PDE10A: variants seen among roughly 807,000 people sequenced by gnomAD.
PDE10A encodes cAMP and cAMP-inhibited cGMP 3',5'-cyclic phosphodiesterase 10A.
A neutral mutation model predicts 97.7 loss-of-function variants in PDE10A; 39 were observed. The observed-to-expected ratio is 0.40, with a 90% CI of 0.31 to 0.52. The LOEUF (loss-of-function observed/expected upper bound fraction) is 0.52. PDE10A is among the 20% of genes least tolerant of loss of function. The pLI is 0.56. For missense variants in PDE10A, 731 were observed against 1,047.8 expected, an observed-to-expected ratio of 0.70 and a Z score of 4.17; for synonymous variants, 371 against 376.8, an observed-to-expected ratio of 0.98 and a Z score of 0.18.
chr6:165,747,480 G>T (rs1360896226), intron 1 of PDE10A, among the ~76,000 whole-genome samples: 1 of 152,130 alleles, frequency 6.6e-6, no homozygotes, highest in Non-Finnish European at 1.5e-5. Flanking sequence ...TTTTATAGAT[G>T]AAGAAAATGA....
intron 5 of PDE10A, 116 bp from the exon 6 acceptor site, chr6:165,435,493 TA>T: frequency 2.4e-6 from 2 of 841,954 alleles, no homozygotes; most frequent in Non-Finnish European, 3.4e-6. Context: ...AGAAGAGTCA[TA>T]AAATGAGGAA....
chr6:165,386,222 G>A (rs1281392452), intron 17 of PDE10A, among the ~76,000 whole-genome samples: 1 of 152,168 alleles, frequency 6.6e-6, no homozygotes, highest in Non-Finnish European at 1.5e-5. Flanking sequence ...ACTGGGCCAA[G>A]TCTTCCTAGG....
At chr6:165,967,375 T>C (rs1413660436) in intron 1 of PDE10A, among the ~76,000 whole-genome samples, 3 of 152,152 alleles carry the variant, frequency 2.0e-5, no homozygotes, top group African/African-American at 7.2e-5. Context: ...TGCATGCCTG[T>C]AATCCCAGCT....
intron 18 of PDE10A, among the ~76,000 whole-genome samples, chr6:165,357,536 T>C (rs1446845335): frequency 6.6e-6 from 1 of 152,122 alleles, no homozygotes; most frequent in Non-Finnish European, 1.5e-5. Context: ...GTTTGTTTGT[T>C]TGTTTTAAGA....
At position 165,404,302 on chromosome 6, in the gene PDE10A, G is replaced by A. The variant is rs141182316; in HGVS notation, c.2077-7843C>T. Reference sequence around the variant, plus strand: ...TCGCAGGGTGTGGCTTGAGGCTCCCGGATGTGAAGGGAAGGTCCATGCAGG... The same window carrying A: ...TCGCAGGGTGTGGCTTGAGGCTCCCAGATGTGAAGGGAAGGTCCATGCAGG... On this transcript the variant is annotated intron_variant, in intron 13 of 21. Coordinates refer to ENST00000539869, the MANE Select transcript of PDE10A (RefSeq NM_001385079.1). 2.1e-3 allele frequency among the ~76,000 whole-genome samples: 313 copies of A among 152,208 alleles called. 2 individuals are homozygous for A. Among genetic ancestry groups the A allele is most frequent in the African/African-American group, 7.0e-3 (292 of 41,544 alleles).
chr6:165,390,514 T>C (rs1785629036), intron 16 of PDE10A, among the ~76,000 whole-genome samples: 1 of 152,082 alleles, frequency 6.6e-6, no homozygotes, highest in Admixed American at 6.5e-5. Context: ...CATGCGTACA[T>C]GCAGATGGCA....
chr6:165,435,065 G>A (rs187997774), intron 6 of PDE10A, among the ~76,000 whole-genome samples, 172 bp downstream of exon 6: 140 of 152,130 alleles, frequency 9.2e-4, no homozygotes, highest in Middle Eastern at 3.4e-3. Context: ...GTGGGTAAAG[G>A]GAATTTTCTG....
At chr6:165,630,915 T>G (rs1788599350) in intron 1 of PDE10A, among the ~76,000 whole-genome samples, 2 of 152,150 alleles carry the variant, frequency 1.3e-5, no homozygotes, top group Admixed American at 1.3e-4. Flanking sequence ...ATCGGCTGGA[T>G]GGAATGCTCG....
At chr6:165,607,055 C>T (rs1431515212) in intron 1 of PDE10A, among the ~76,000 whole-genome samples, 2 of 152,138 alleles carry the variant, frequency 1.3e-5, no homozygotes, top group Non-Finnish European at 2.9e-5. Context: ...TTTCTTGCTT[C>T]CCAACTTAGA....
chr6:165,507,130 T>C (rs1781242855), intron 2 of PDE10A, among the ~76,000 whole-genome samples: 1 of 152,146 alleles, frequency 6.6e-6, no homozygotes, highest in African/African-American at 2.4e-5. Context: ...TTGTGTTTCA[T>C]GCTGGAGTTG....
Position 165,331,795 on chromosome 6 carries a change from T to C in PDE10A, c.*1230A>G, listed in dbSNP as rs1317980022. 2.0e-5 allele frequency: 3 copies of C among 152,208 alleles called. No individual in the cohort carries two copies. Among genetic ancestry groups the C allele is most frequent in the Non-Finnish European group, 1.5e-5 (1 of 68,042 alleles). The allele number at this position is 152,208 out of a possible 1,614,324, so 9.4% of individuals were successfully genotyped here. A position where few individuals can be genotyped will look rare whatever the true frequency, so the allele number is the denominator to read the frequency against. On this transcript the variant is annotated 3_prime_UTR_variant, in exon 22 of 22. Coordinates refer to ENST00000539869, the MANE Select transcript of PDE10A (RefSeq NM_001385079.1). ...AATACTGGTCAACCAAAAAGGTGTA[T>C]AGAAGAAACCATCGAAACCCACAGG... is the stretch of plus-strand genomic sequence containing the variant.
rs1207121976 is a variant in PDE10A, at chr6:165,662,741, C to A, written c.71G>T (p.Gly24Val). 6.8e-6 allele frequency among the ~76,000 whole-genome samples: 1 copy of A among 148,008 alleles called. No individual in the cohort carries two copies. ...CGGGCGGAGTTTGCCGGGGCCGCAGCCCGGCTCGTCCCCGGCCGCTGGCAG... is the reference window on the plus strand; with the variant it reads ...CGGGCGGAGTTTGCCGGGGCCGCAGACCGGCTCGTCCCCGGCCGCTGGCAG... ...GPLPAAGDEP[G>V]CGPGKLRPEP... Residue 24 changes from glycine (G) to valine (V), a missense_variant, in exon 1 of 22, where the codon GGC becomes GTC. This residue lies in a region of PDE10A where 181 missense variants were observed against 159.1 expected (regional missense o/e 1.14). Transcript: ENST00000539869.
At chr6:165,639,630 T>C (rs1360374927) in intron 1 of PDE10A, among the ~76,000 whole-genome samples, 1 of 151,510 alleles carries the variant, frequency 6.6e-6, no homozygotes, top group Non-Finnish European at 1.5e-5. Context: ...TCCCAGCTAC[T>C]TGGGAGGCTG....
In PDE10A at chr6:165,482,337, G is replaced by A. The variant is rs775051455; in HGVS notation, c.1001C>T (p.Ser334Leu). Reference protein sequence around the residue: ...KRKNNKSEDESAPKEVSRYQD... With the variant: ...KRKNNKSEDELAPKEVSRYQD... ...TACCCTGCTGACTTCCTTAGGAGCT[G>A]ATTCATCTGGGGATAGAGAAGGAAG... The change falls in exon 3 of 22, where the codon TCA becomes TTA. Residue 334 changes from serine to leucine, a missense_variant. By Grantham distance (145) the Ser-to-Leu change is moderately radical. Around this residue, in one of 8 missense-constraint regions of PDE10A, gnomAD observed 181 missense variants for 159.1 expected, o/e 1.14. Coordinates refer to ENST00000539869, the MANE Select transcript of PDE10A (RefSeq NM_001385079.1). The A allele has an allele frequency of 3.7e-6, 6 of 1,600,056 alleles. No individual in the cohort carries two copies. Among genetic ancestry groups the A allele is most frequent in the East Asian group, 2.2e-5 (1 of 44,710 alleles).
chr6:165,685,172 A>G (rs1791080678), intron 1 of PDE10A, among the ~76,000 whole-genome samples: 1 of 152,164 alleles, frequency 6.6e-6, no homozygotes, highest in Non-Finnish European at 1.5e-5. Context: ...AATTTTATGA[A>G]TACCTGACTC....
intron 1 of PDE10A, among the ~76,000 whole-genome samples, chr6:165,653,405 A>T (rs10214709): frequency 0.23 from 35,714 of 152,100 alleles, 4,335 homozygotes; most frequent in African/African-American, 0.26. Flanking sequence ...AGATGCAGGG[A>T]AAAAGGGTTC....
chr6:165,621,626 G>A (rs1207497432), intron 1 of PDE10A, among the ~76,000 whole-genome samples: 1 of 152,034 alleles, frequency 6.6e-6, no homozygotes, highest in East Asian at 1.9e-4. Context: ...CATGGTGGCG[G>A]GCGCCTGCAG....
chr6:165,479,979 T>C (rs1779509977), intron 3 of PDE10A, among the ~76,000 whole-genome samples: 2 of 152,310 alleles, frequency 1.3e-5, no homozygotes, highest in South Asian at 2.1e-4. Flanking sequence ...GACAGATACA[T>C]AGGTTTCAAA....
intron 1 of PDE10A, among the ~76,000 whole-genome samples, chr6:165,796,388 C>T (rs1583104527): frequency 6.6e-6 from 1 of 152,264 alleles, no homozygotes; most frequent in South Asian, 2.1e-4. Context: ...ACCTGGCCTG[C>T]ACATCTTTTC....
Sources: gnomAD v4.1 joint callset for allele counts (sites outside exome capture counted in the v4.1 genomes callset) on GRCh38, gnomAD v4.1.1 for gene constraint, gnomAD v4.1.1 regional missense constraint, MANE v1.5 for transcripts, NCBI Gene and HGNC (gene_info 2026-07-23, HGNC 2026-07-21) for gene names.